Variants in NKTR observed in about 807,000 individuals in gnomAD.
NKTR encodes the protein NK-tumor recognition protein.
Under a neutral mutation model 156.3 loss-of-function variants are expected in NKTR, and 67 were observed. The ratio of observed to expected loss-of-function variants is 0.43; its 90% confidence interval spans 0.35 to 0.53. The LOEUF is 0.53. Among genes scored for constraint, NKTR ranks in the 20% least tolerant of loss-of-function variants. NKTR has a pLI of 0.01. For synonymous variants in NKTR, 640 were observed against 596.6 expected (o/e 1.07, Z -1.06); for missense variants, 1,604 against 1,730.9 (o/e 0.93, Z 1.30).
At chr3:42,641,052 G>A (rs2284303) in intron 13 of NKTR, among the ~76,000 whole-genome samples, 26,096 of 152,144 alleles carry the variant, frequency 0.17, 2,693 homozygotes, top group African/African-American at 0.29. Flanking sequence ...ACAGCAAGGC[G>A]TAGAAAGGCT....
rs771628543 is a variant in NKTR at position 42,601,027 on chromosome 3, G to T, written c.21G>T (p.Pro7=). 1.5e-5 allele frequency: 24 copies of T among 1,580,606 alleles called. No individual in the cohort carries two copies. The Admixed American group carries it at 2.2e-4, about 14-fold the overall frequency. MGAQDR[P]QCHFDIEINR... ...TCGCGATGGGGGCGCAGGACCGGCC[G>T]CAGTGCCACTTCGACATCGAGATCA... The change falls in exon 2 of 17, where the codon CCG becomes CCT. Residue 7 remains proline (P), a synonymous_variant. Transcript: ENST00000232978.
chr3:42,602,562 G>A (rs1356180996), intron 2 of NKTR: 1 of 151,854 alleles, frequency 6.6e-6, no homozygotes, highest in Non-Finnish European at 1.5e-5. Context: ...TCGAGCAAAG[G>A]GATGAGATAA....
intron 6 of NKTR, among the ~76,000 whole-genome samples, chr3:42,625,484 C>G (rs1450787230): frequency 2.6e-5 from 4 of 152,058 alleles, no homozygotes; most frequent in Non-Finnish European, 4.4e-5. Context: ...ATCTGACTTG[C>G]AAGTACCTGA....
At position 42,643,914 on chromosome 3, in the gene NKTR, C is replaced by T. The variant is rs1710130945; in HGVS notation, c.4212C>T (p.Tyr1404=). 3.1e-6 allele frequency: 5 copies of T among 1,613,440 alleles called. No individual in the cohort carries two copies. The highest frequency in any genetic ancestry group is 1.3e-5 in the African/African-American group (1 of 74,960). ...GCCGTTAAAGCAGGTCCTACACCTACGATAGCTACTATAGCAGGAGTCGGA... is the reference window on the plus strand; with the variant it reads ...GCCGTTAAAGCAGGTCCTACACCTATGATAGCTACTATAGCAGGAGTCGGA... ...DPHSRSRSYT[Y]DSYYSRSRSR... Residue 1404 remains tyrosine, a synonymous_variant, in exon 16 of 17, where the codon TAC becomes TAT. Coordinates refer to ENST00000232978, the MANE Select transcript of NKTR (RefSeq NM_005385.4).
intron 6 of NKTR, among the ~76,000 whole-genome samples, chr3:42,621,893 C>A (rs1404747694): frequency 6.6e-6 from 1 of 151,888 alleles, no homozygotes; most frequent in Non-Finnish European, 1.5e-5. Context: ...AGTTACTGTA[C>A]CCCCTCAACA....
chr3:42,606,920 G>A (rs1706295148), intron 2 of NKTR, among the ~76,000 whole-genome samples: 1 of 152,002 alleles, frequency 6.6e-6, no homozygotes, highest in Non-Finnish European at 1.5e-5. Context: ...GAGTACTGTG[G>A]CTATTCACAG....
chr3:42,634,986 C>CTGTAAA (rs1709244310), intron 11 of NKTR: 4 of 443,592 alleles, frequency 9.0e-6, no homozygotes, highest in Non-Finnish European at 1.6e-5. Context: ...AGGTGAATCT[C>CTGTAAA]AGCCTTGCCC....
chr3:42,617,809 A>G (rs183816309), intron 3 of NKTR, among the ~76,000 whole-genome samples, 165 bp downstream of exon 3: 1 of 152,188 alleles, frequency 6.6e-6, no homozygotes, highest in East Asian at 1.9e-4. Context: ...TCAGGGAAGC[A>G]TTTCTTAAGG....
At chr3:42,639,844 C>T in intron 13 of NKTR, 94 bp downstream of exon 13, 1 of 893,874 alleles carries the variant, frequency 1.1e-6, no homozygotes, top group East Asian at 2.4e-5. Flanking sequence ...ATCACTATTT[C>T]CAAATATCTG....
intron 12 of NKTR, 144 bp downstream of exon 12, chr3:42,635,510 A>G (rs1348464463): frequency 3.2e-6 from 2 of 619,336 alleles, no homozygotes; most frequent in Middle Eastern, 4.5e-4. Context: ...ATTTGGGACT[A>G]CTTGATGAAA....
At chr3:42,633,798 T>C in intron 10 of NKTR, 63 bp downstream of exon 10, 1 of 1,572,728 alleles carries the variant, frequency 6.4e-7, no homozygotes, top group Non-Finnish European at 8.7e-7. Context: ...GTCAGCTCAT[T>C]GCATTCCACA....
At chr3:42,642,398 TTTC>T (rs1709962149) in intron 13 of NKTR, 100 bp from the exon 14 acceptor site, 12 of 814,134 alleles carry the variant, frequency 1.5e-5, no homozygotes, top group South Asian at 3.2e-5. Flanking sequence ...GTGAGAGGCC[TTTC>T]TTCTTGTTGT....
At chr3:42,632,401 T>C (rs141269952) in intron 8 of NKTR, among the ~76,000 whole-genome samples, 200 bp from the exon 9 acceptor site, 1 of 152,222 alleles carries the variant, frequency 6.6e-6, no homozygotes, top group African/African-American at 2.4e-5. Flanking sequence ...AACAAGAATA[T>C]AGGCTTCATA....
intron 5 of NKTR, chr3:42,620,588 CT>C: frequency 1.0e-6 from 1 of 984,624 alleles, no homozygotes; most frequent in Non-Finnish European, 1.2e-6. Context: ...TTAAAGTTTT[CT>C]GTGTTTCTGT....
At chr3:42,631,912 A>G (rs1490484149) in intron 8 of NKTR, among the ~76,000 whole-genome samples, 1 of 151,920 alleles carries the variant, frequency 6.6e-6, no homozygotes, top group African/African-American at 2.4e-5. Flanking sequence ...TGTCTGGAAC[A>G]CCCTTTGTTA....
chr3:42,629,724 C>CAT (rs1708721796), intron 6 of NKTR: 3 of 984,364 alleles, frequency 3.0e-6, no homozygotes, highest in Non-Finnish European at 3.6e-6. Context: ...CACTGCAATT[C>CAT]ATATAATGTG....
intron 2 of NKTR, among the ~76,000 whole-genome samples, chr3:42,608,947 G>A (rs1706505860): frequency 6.6e-6 from 1 of 152,102 alleles, no homozygotes; most frequent in African/African-American, 2.4e-5. Flanking sequence ...CCAACGTGGT[G>A]AAACCCTGAC....
At chr3:42,621,718 T>TA (rs1335111121) in intron 6 of NKTR, among the ~76,000 whole-genome samples, 1 of 151,930 alleles carries the variant, frequency 6.6e-6, no homozygotes, top group Non-Finnish European at 1.5e-5. Context: ...GAATGGGACT[T>TA]AAAAAATTTA....
rs567100675 is a variant in NKTR at position 42,625,278 on chromosome 3, C to A, written c.374+3762C>A. Among the ~76,000 whole-genome samples, 149 of 152,192 alleles carry A rather than the reference C, an allele frequency of 9.8e-4. 1 individual carries two copies. Among genetic ancestry groups the A allele is most frequent in the African/African-American group, 3.5e-3 (145 of 41,526 alleles). On this transcript the variant is annotated intron_variant, in intron 6 of 16. Transcript: ENST00000232978. The stretch of plus-strand genomic sequence containing the variant: ...CAGCCATAGAGTAGGGATCTGCAGA[C>A]CCTGCAAGAACAGTTCCTGTCACTG...
Sources: gnomAD v4.1 joint callset for allele counts (sites outside exome capture counted in the v4.1 genomes callset) on GRCh38, gnomAD v4.1.1 for gene constraint, MANE v1.5 for transcripts, NCBI Gene and HGNC (gene_info 2026-07-23, HGNC 2026-07-21) for gene names.